CDK15: variants seen among roughly 807,000 people sequenced by gnomAD.
CDK15 encodes cyclin dependent kinase 15.
Under a neutral mutation model 60.3 loss-of-function variants are expected in CDK15, and 62 were observed. The observed-to-expected ratio is 1.03, with a 90% confidence interval of 0.84 to 1.27. The LOEUF (loss-of-function observed/expected upper bound fraction) is 1.27. Among genes scored for constraint, CDK15 ranks in the 50% most tolerant of loss-of-function variants. CDK15 has a pLI of 0.00. For synonymous variants in CDK15, 194 were observed against 195.7 expected, an observed-to-expected ratio of 0.99 and a Z score of 0.07; for missense variants, 541 against 527.8, an observed-to-expected ratio of 1.03 and a Z score of -0.25.
At chr2:201,833,094 A>G (rs997825285) in intron 6 of CDK15, among the ~76,000 whole-genome samples, 5 of 151,956 alleles carry the variant, frequency 3.3e-5, no homozygotes, top group African/African-American at 1.2e-4. Flanking sequence ...CACATGAAAC[A>G]TTTTTAATTT....
At chr2:201,836,094 A>ATATATATT (rs1179645943) in intron 8 of CDK15, among the ~76,000 whole-genome samples, 3 of 121,052 alleles carry the variant, frequency 2.5e-5, no homozygotes, top group Non-Finnish European at 4.8e-5. Context: ...TTATATATTT[A>ATATATATT]TATATATTTA....
chr2:201,858,785 T>C (rs1195657282), intron 10 of CDK15, among the ~76,000 whole-genome samples: 2 of 151,766 alleles, frequency 1.3e-5, no homozygotes, highest in African/African-American at 4.8e-5. Flanking sequence ...GGAAAAAAAA[T>C]AAATCTTGAA....
chr2:201,812,706 A>G (rs985133686), intron 4 of CDK15, 144 bp downstream of exon 4: 1 of 502,004 alleles, frequency 2.0e-6, no homozygotes, highest in Non-Finnish European at 3.6e-6. Context: ...CAAGTTTTTC[A>G]AGAAATTTAC....
At chr2:201,858,862 C>T (rs1165796570) in intron 10 of CDK15, among the ~76,000 whole-genome samples, 1 of 152,078 alleles carries the variant, frequency 6.6e-6, no homozygotes, top group Non-Finnish European at 1.5e-5. Flanking sequence ...ATAGTAACAT[C>T]CCCTCAAAGA....
chr2:201,850,797 C>G (rs1053332465), intron 9 of CDK15, among the ~76,000 whole-genome samples: 1 of 152,198 alleles, frequency 6.6e-6, no homozygotes, highest in South Asian at 2.1e-4. Context: ...CTTGCCAACA[C>G]CTCTTTCATC....
At chr2:201,883,175 T>C (rs1176706458) in intron 12 of CDK15, among the ~76,000 whole-genome samples, 2 of 152,254 alleles carry the variant, frequency 1.3e-5, no homozygotes, top group Admixed American at 6.5e-5. Context: ...TATATCATTT[T>C]ATTATTCTGA....
intron 8 of CDK15, among the ~76,000 whole-genome samples, chr2:201,845,194 T>A (rs186821073): frequency 5.9e-5 from 9 of 152,078 alleles, no homozygotes; most frequent in Admixed American, 5.9e-4. Flanking sequence ...AACCTGTTGC[T>A]TGCTGGAGGA....
intron 11 of CDK15, chr2:201,876,553 C>T: frequency 7.8e-7 from 1 of 1,287,056 alleles, no homozygotes; most frequent in South Asian, 1.2e-5. Flanking sequence ...CCCGCTTTGC[C>T]CTGGTGACCA....
At chr2:201,810,656 G>C (rs953955808) in intron 3 of CDK15, among the ~76,000 whole-genome samples, 3 of 152,004 alleles carry the variant, frequency 2.0e-5, no homozygotes, top group African/African-American at 7.2e-5. Flanking sequence ...CCTTCAAAGA[G>C]GTACAGCATA....
At chr2:201,829,817 T>C (rs2105729876) in intron 6 of CDK15, among the ~76,000 whole-genome samples, 1 of 152,206 alleles carries the variant, frequency 6.6e-6, no homozygotes, top group East Asian at 1.9e-4. Context: ...TATTTATTTA[T>C]TTATTTTTAG....
At chr2:201,880,331 C>G (rs12619693) in intron 12 of CDK15, among the ~76,000 whole-genome samples, 164 bp downstream of exon 12, 39,463 of 152,136 alleles carry the variant, frequency 0.26, 5,544 homozygotes, top group East Asian at 0.46. Context: ...AAGATAGGAC[C>G]TAATCTTGTC....
intron 12 of CDK15, chr2:201,888,505 TGAG>T (rs1479237591): frequency 6.5e-7 from 1 of 1,534,350 alleles, no homozygotes; most frequent in South Asian, 1.2e-5. Flanking sequence ...GGGAAGCTAA[TGAG>T]GAGTCACCAG....
intron 10 of CDK15, 83 bp downstream of exon 10, chr2:201,855,020 A>G: frequency 1.6e-6 from 2 of 1,268,480 alleles, no homozygotes; most frequent in South Asian, 1.2e-5. Flanking sequence ...GCGTTCTTGT[A>G]TTGTGAACTC....
intron 6 of CDK15, 146 bp from the exon 7 acceptor site, chr2:201,833,699 ATCT>A (rs147493518): frequency 0.42 from 122,149 of 290,464 alleles, 21,502 homozygotes; most frequent in Admixed American, 0.57. Context: ...GAATGTAAAA[ATCT>A]TCTTCTTCTT....
In CDK15 at chr2:201,812,627, T is replaced by G; in HGVS notation, c.448+65T>G. 3.0e-6 allele frequency: 3 copies of G among 996,446 alleles called. No individual in the cohort carries two copies. In the Admixed American group the frequency reaches 5.7e-5, roughly 19 times the overall value. 61.7% of individuals were successfully genotyped at this position (996,446 alleles called of 1,614,324 possible). A position where few individuals can be genotyped will look rare whatever the true frequency, so the allele number is the denominator to read the frequency against. On this transcript the variant is annotated intron_variant, in intron 4 of 13. Coordinates refer to ENST00000652192, the MANE Select transcript of CDK15 (RefSeq NM_001366386.2). The stretch of plus-strand genomic sequence containing the variant: ...GTCCTTGATTTGGTAAAAAATGTAT[T>G]GCATTGATCCATTCAGCATCTAGTT...
intron 9 of CDK15, among the ~76,000 whole-genome samples, chr2:201,849,617 G>A (rs973682132): frequency 2.0e-5 from 3 of 152,106 alleles, no homozygotes; most frequent in East Asian, 1.9e-4. Context: ...TAGGTAGGGC[G>A]ATGGGTGAAG....
intron 6 of CDK15, chr2:201,824,609 C>A (rs1696385409): frequency 6.1e-6 from 2 of 328,670 alleles, no homozygotes; most frequent in East Asian, 7.9e-5. Flanking sequence ...GAATGTGGAC[C>A]TAAATACCCA....
In CDK15 at chr2:201,836,185, ATT is replaced by A. The variant is rs1321241287; in HGVS notation, c.851+428_851+429del. On this transcript the variant is annotated intron_variant, in intron 8 of 13. Transcript: ENST00000652192. ...ATTTATATATTTATATATTATATAT[ATT>A]TTTTTATATATATATATATGTATTT... Among the ~76,000 whole-genome samples the A allele has an allele frequency of 1.5e-3, 119 of 78,566 alleles. 2 individuals carry two copies. Among genetic ancestry groups the A allele is most frequent in the African/African-American group, 4.6e-3 (113 of 24,566 alleles). The allele number at this position is 78,566 out of a possible 152,430, so 51.5% of individuals were successfully genotyped here. A position where few individuals can be genotyped will look rare whatever the true frequency, so the allele number is the denominator to read the frequency against.
At position 201,888,863 on chromosome 2, in the gene CDK15, T is replaced by A. The variant is rs914646738; in HGVS notation, c.1199-1922T>A. On this transcript the variant is annotated intron_variant, in intron 12 of 13. Coordinates refer to ENST00000652192, the MANE Select transcript of CDK15 (RefSeq NM_001366386.2). ...AGAGAAGTTCCCCAAATGGTTTGGATTTGAGTTGATTTGAGAATAATTGGT... is the reference window on the plus strand; with the variant it reads ...AGAGAAGTTCCCCAAATGGTTTGGAATTGAGTTGATTTGAGAATAATTGGT... 4.8e-6 allele frequency: 5 copies of A among 1,050,090 alleles called. No homozygotes were observed. The African/African-American group carries it at 8.5e-5, about 18-fold the overall frequency. The allele number at this position is 1,050,090 out of a possible 1,614,324, so 65.0% of individuals were successfully genotyped here. A position where few individuals can be genotyped will look rare whatever the true frequency, so the allele number is the denominator to read the frequency against.
Sources: gnomAD v4.1 joint callset for allele counts (sites outside exome capture counted in the v4.1 genomes callset) on GRCh38, gnomAD v4.1.1 for gene constraint, MANE v1.5 for transcripts, NCBI Gene and HGNC (gene_info 2026-07-23, HGNC 2026-07-21) for gene names.